TRIM6: variants seen among roughly 807,000 people sequenced by gnomAD.
TRIM6 encodes the protein tripartite motif-containing protein 6.
Under a neutral mutation model 51.2 loss-of-function variants are expected in TRIM6, and 43 were observed. The observed-to-expected ratio is 0.84, with a 90% CI of 0.66 to 1.08. The LOEUF is 1.08. Among genes scored for constraint, TRIM6 ranks in the 50% least tolerant of loss-of-function variants. The probability of loss-of-function intolerance (pLI) is 0.00; values close to 1 mark genes in which losing one functional copy is unlikely to be tolerated. For synonymous variants in TRIM6, 215 were observed against 232.4 expected (o/e 0.93, Z 0.68); for missense variants, 669 against 619.0 (o/e 1.08, Z -0.86).
rs573078587 is a variant in TRIM6 at position 5,611,678 on chromosome 11, C to T, written c.*336C>T. On this transcript the variant is annotated 3_prime_UTR_variant, in exon 8 of 8. Coordinates refer to ENST00000380097, the MANE Select transcript of TRIM6 (RefSeq NM_001003818.3). The stretch of plus-strand genomic sequence containing the variant: ...GTGTTGGCCAGGCTGATCTCGAACT[C>T]CTGACCGCAAGTGATCCACCCGCCT... 1.7e-5 allele frequency: 4 copies of T among 229,796 alleles called. No homozygotes were observed. The East Asian group carries it at 3.1e-4, about 18-fold the overall frequency. 14.2% of individuals were successfully genotyped at this position (229,796 alleles called of 1,614,324 possible).
At position 5,605,581 on chromosome 11, in the gene TRIM6, A is replaced by T. The variant is rs1311972178; in HGVS notation, c.834+14A>T. On this transcript the variant is annotated intron_variant, in intron 4 of 7. Coordinates refer to ENST00000380097, the MANE Select transcript of TRIM6 (RefSeq NM_001003818.3). ...GAGCTGCTGCAGGTAAGGCTTGTGA[A>T]GGAGCCCAGATCTGAGAGTCAAGGA... The T allele has an allele frequency of 6.2e-7, 1 of 1,608,160 alleles. No individual in the cohort carries two copies. Among genetic ancestry groups the T allele is most frequent in the South Asian group, 1.1e-5 (1 of 90,274 alleles).
chr11:5,610,218 C>G lies in TRIM6; in HGVS notation c.931C>G (p.Leu311Val). 6.2e-7 allele frequency: 1 copy of G among 1,614,086 alleles called. No individual in the cohort carries two copies. The highest frequency in any genetic ancestry group is 8.5e-7 in the Non-Finnish European group (1 of 1,180,008). Residue 311 changes from leucine to valine, a missense_variant, in exon 6 of 8, where the codon CTG (leucine) becomes GTG (valine). Physicochemically the swap from Leu to Val is conservative, Grantham distance 32. Coordinates refer to ENST00000380097, the MANE Select transcript of TRIM6 (RefSeq NM_001003818.3). ...KLRSMFRAPD[L>V]KRMLRVCREL... is the part of the protein sequence containing the mutation. ...GAGAAGTATGTTCCGAGCCCCAGAT[C>G]TGAAAAGGATGCTGCGAGTGTGTAG...
upstream of TRIM6, among the ~76,000 whole-genome samples, chr11:5,596,498 C>T (rs1226851202): frequency 2.6e-5 from 3 of 114,664 alleles, no homozygotes; most frequent in South Asian, 3.9e-4. Flanking sequence ...AGCATCCCTT[C>T]CCCCCTTCCC....
At chr11:5,606,926 G>C (rs765238237) in intron 4 of TRIM6, among the ~76,000 whole-genome samples, 1 of 152,162 alleles carries the variant, frequency 6.6e-6, no homozygotes, top group Non-Finnish European at 1.5e-5. Flanking sequence ...AGCCAAGGCC[G>C]AGCGCGGTGG....
chr11:5,610,233 CGAGTGTGTA>C lies in TRIM6; in HGVS notation c.950_958del (p.Val317_Arg319del). The C allele has an allele frequency of 6.2e-7, 1 of 1,613,924 alleles. No homozygotes were observed. Among genetic ancestry groups the C allele is most frequent in the Non-Finnish European group, 8.5e-7 (1 of 1,179,986 alleles). On this transcript the variant is annotated inframe_deletion, in exon 6 of 8. Transcript: ENST00000380097. ...AGCCCCAGATCTGAAAAGGATGCTG[CGAGTGTGTA>C]GAGGTAAGGAGATTCAGGGGAAAGA...
chr11:5,603,090 T>C (rs1023663066), intron 1 of TRIM6, among the ~76,000 whole-genome samples, 156 bp from the exon 2 acceptor site: 1 of 152,152 alleles, frequency 6.6e-6, no homozygotes, highest in Non-Finnish European at 1.5e-5. Flanking sequence ...ATTGGTGCCT[T>C]GTATGAGCCG....
intron 5 of TRIM6, among the ~76,000 whole-genome samples, chr11:5,609,009 C>G (rs984103393): frequency 6.6e-6 from 1 of 152,016 alleles, no homozygotes; most frequent in African/African-American, 2.4e-5. Flanking sequence ...GGTCTTGGCA[C>G]ATCTGCCTTA....
At chr11:5,607,190 C>G (rs958437349) in intron 4 of TRIM6, among the ~76,000 whole-genome samples, 5 of 151,428 alleles carry the variant, frequency 3.3e-5, no homozygotes, top group African/African-American at 4.9e-5. Context: ...GGCGACAGAG[C>G]AAGACTCCAT....
intron 5 of TRIM6, among the ~76,000 whole-genome samples, chr11:5,608,941 C>G (rs539704901): frequency 2.1e-5 from 3 of 144,082 alleles, no homozygotes; most frequent in South Asian, 4.5e-4. Context: ...CCTTCCTGCC[C>G]GTGAATTTTA....
chr11:5,610,863 G>A lies in TRIM6; in HGVS notation c.1072G>A (p.Val358Ile). The change falls in exon 8 of 8, where the codon GTA becomes ATA. Residue 358 changes from valine (V) to isoleucine (I), a missense_variant. Val to Ile is a conservative substitution (Grantham distance 29). Transcript: ENST00000380097. ...RRQVRFVGAK[V>I]SGPSCLEKHY... ...ACAAGTGAGGTTTGTGGGAGCTAAA[G>A]TATCTGGACCTTCCTGTCTGGAAAA... The A allele has an allele frequency of 6.2e-7, 1 of 1,614,218 alleles. No individual in the cohort carries two copies. Among genetic ancestry groups the A allele is most frequent in the Non-Finnish European group, 8.5e-7 (1 of 1,180,050 alleles).
At chr11:5,605,124 T>A in intron 3 of TRIM6, 1 of 629,998 alleles carries the variant, frequency 1.6e-6, no homozygotes, top group Non-Finnish European at 2.7e-6. Flanking sequence ...ATGGCCTAGA[T>A]AAAGCAGCCC....
chr11:5,604,428 CA>C, intron 2 of TRIM6, 105 bp from the exon 3 acceptor site: 1 of 1,272,320 alleles, frequency 7.9e-7, no homozygotes, highest in Non-Finnish European at 1.1e-6. Context: ...TAGGTTAGGA[CA>C]GGCTTCTTTT....
chr11:5,604,334 G>C (rs1268601212), intron 2 of TRIM6, among the ~76,000 whole-genome samples, 200 bp from the exon 3 acceptor site: 2 of 152,274 alleles, frequency 1.3e-5, no homozygotes, highest in East Asian at 3.9e-4. Flanking sequence ...CTTCCCAAGG[G>C]GGATGGAGAA....
chr11:5,607,194 A>G (rs1003229189), intron 4 of TRIM6, among the ~76,000 whole-genome samples: 6 of 151,702 alleles, frequency 4.0e-5, no homozygotes, highest in Admixed American at 3.3e-4. Context: ...ACAGAGCAAG[A>G]CTCCATCTCA....
intron 1 of TRIM6, among the ~76,000 whole-genome samples, chr11:5,602,392 G>A (rs568444777): frequency 2.6e-5 from 4 of 151,868 alleles, no homozygotes; most frequent in East Asian, 3.9e-4. Flanking sequence ...GCAGTGAGTC[G>A]AGATCACGCC....
chr11:5,605,914 T>C (rs1184463089), intron 4 of TRIM6, among the ~76,000 whole-genome samples: 3 of 152,226 alleles, frequency 2.0e-5, no homozygotes, highest in African/African-American at 7.2e-5. Context: ...CGTGGGGTTC[T>C]CCTGTACATT....
chr11:5,599,482 C>G (rs1847697427), intron 1 of TRIM6, among the ~76,000 whole-genome samples: 2 of 152,112 alleles, frequency 1.3e-5, no homozygotes, highest in African/African-American at 4.8e-5. Flanking sequence ...CGACTCACTG[C>G]AAGCTCCACC....
chr11:5,596,722 C>A lies in TRIM6; in HGVS notation c.-176C>A. ...GGCCAAAGGCTGGCGGAGGAGGGAT[C>A]CCCTGCCTTTCTCGGAACGGAACGG... On this transcript the variant is annotated 5_prime_UTR_variant, in exon 1 of 8. Transcript: ENST00000380097. 1.1e-6 allele frequency: 1 copy of A among 951,160 alleles called. No individual in the cohort carries two copies. Among genetic ancestry groups the A allele is most frequent in the Non-Finnish European group, 1.6e-6 (1 of 628,518 alleles). The allele number at this position is 951,160 out of a possible 1,614,324, so 58.9% of individuals were successfully genotyped here.
rs375075797 is a variant in TRIM6 at position 5,610,233 on chromosome 11, C to G, written c.946C>G (p.Arg316Gly). The part of the protein sequence containing the change: ...FRAPDLKRML[R>G]VCRELTDVQS... ...AGCCCCAGATCTGAAAAGGATGCTG[C>G]GAGTGTGTAGAGGTAAGGAGATTCA... The change falls in exon 6 of 8, where the codon CGA (arginine) becomes GGA (glycine). Residue 316 changes from arginine to glycine, a missense_variant. Arg to Gly is a moderately radical substitution (Grantham distance 125). Transcript: ENST00000380097. 16 of 1,613,924 alleles carry G rather than the reference C, an allele frequency of 9.9e-6. No individual in the cohort carries two copies. The East Asian group carries it at 3.6e-4, about 36-fold the overall frequency.
Sources: allele counts gnomAD v4.1 joint callset (sites outside exome capture counted in the v4.1 genomes callset), GRCh38; gene constraint gnomAD v4.1.1; transcripts MANE v1.5; gene names NCBI Gene and HGNC (gene_info 2026-07-23, HGNC 2026-07-21).